The following DSCAM variants were observed in gnomAD, a reference collection of about 807,000 sequenced individuals.
DSCAM encodes DS cell adhesion molecule, also known as cell adhesion molecule DSCAM.
In DSCAM, 47 loss-of-function variants were observed where a neutral mutation model predicts 217.7. That is an observed-to-expected ratio of 0.22 (90% confidence interval 0.17 to 0.28). DSCAM has a LOEUF of 0.28. Among genes scored for constraint, DSCAM ranks in the 10% least tolerant of loss-of-function variants. DSCAM has a pLI of 1.00. For synonymous variants in DSCAM, 1,056 were observed against 1,015.3 expected, an observed-to-expected ratio of 1.04 and a Z score of -0.76; for missense variants, 2,080 against 2,618.3, an observed-to-expected ratio of 0.79 and a Z score of 4.49.
chr21:40,104,320 A>C (rs572818681), intron 20 of DSCAM, among the ~76,000 whole-genome samples: 2 of 152,336 alleles, frequency 1.3e-5, no homozygotes, highest in African/African-American at 4.8e-5. Context: ...AATAAAAATA[A>C]TATATGCAGA....
intron 1 of DSCAM, among the ~76,000 whole-genome samples, chr21:40,823,955 A>G (rs2091948728): frequency 6.6e-6 from 1 of 151,576 alleles, no homozygotes; most frequent in East Asian, 1.9e-4. Context: ...ACAGAGTCTC[A>G]AAAGAAAAAA....
chr21:40,317,151 C>T (rs894858087), intron 8 of DSCAM, among the ~76,000 whole-genome samples: 7 of 152,206 alleles, frequency 4.6e-5, no homozygotes, highest in Admixed American at 1.3e-4. Flanking sequence ...GGCGTGACTC[C>T]GAAATGATGA....
At chr21:40,530,001 A>C (rs2076430605) in intron 3 of DSCAM, among the ~76,000 whole-genome samples, 2 of 152,304 alleles carry the variant, frequency 1.3e-5, no homozygotes, top group African/African-American at 2.4e-5. Context: ...TTTAACTCTA[A>C]GGGTGCTGTT....
intron 3 of DSCAM, among the ~76,000 whole-genome samples, chr21:40,485,409 A>T (rs532917190): frequency 6.6e-6 from 1 of 151,456 alleles, no homozygotes; most frequent in East Asian, 1.9e-4. Flanking sequence ...CGCCCGGCTA[A>T]TTTTTTGTAT....
At chr21:40,190,586 C>T (rs73904726) in intron 11 of DSCAM, among the ~76,000 whole-genome samples, 8,649 of 152,264 alleles carry the variant, frequency 0.057, 781 homozygotes, top group African/African-American at 0.19. Flanking sequence ...AATCTCTCCC[C>T]TGAGAATTTA....
intron 3 of DSCAM, among the ~76,000 whole-genome samples, chr21:40,483,134 C>G (rs971976602): frequency 6.6e-6 from 1 of 152,198 alleles, no homozygotes; most frequent in Non-Finnish European, 1.5e-5. Context: ...AGATTAGAAA[C>G]AGAAGAAATG....
At chr21:40,635,612 G>C (rs768016113) in intron 3 of DSCAM, among the ~76,000 whole-genome samples, 2 of 152,158 alleles carry the variant, frequency 1.3e-5, no homozygotes, top group Non-Finnish European at 2.9e-5. Context: ...TCTGATTCGT[G>C]ACTGTGGATT....
chr21:40,307,941 G>A lies in DSCAM; in HGVS notation c.2062+4140C>T, dbSNP rs1337414872. Among the ~76,000 whole-genome samples the A allele has an allele frequency of 7.6e-5, 10 of 131,988 alleles. No homozygotes were observed. The South Asian group carries it at 2.8e-3, about 36-fold the overall frequency. The allele number at this position is 131,988 out of a possible 152,430, so 86.6% of individuals were successfully genotyped here. A position where few individuals can be genotyped will look rare whatever the true frequency, so the allele number is the denominator to read the frequency against. The stretch of plus-strand genomic sequence containing the variant: ...CACTCTGGGGACTGTTGTGGGATGA[G>A]GGGAGGGGGGAGGGATAGCATTAGG... On this transcript the variant is annotated intron_variant, in intron 9 of 32. Transcript: ENST00000400454.
chr21:40,080,509 G>A (rs2089440286), intron 24 of DSCAM, among the ~76,000 whole-genome samples, 169 bp from the exon 25 acceptor site: 2 of 152,138 alleles, frequency 1.3e-5, no homozygotes, highest in Admixed American at 6.5e-5. Context: ...CCCAGCCTGG[G>A]AGAAGCACCA....
At chr21:40,089,604 G>A (rs1264200891) in intron 21 of DSCAM, among the ~76,000 whole-genome samples, 5 of 152,128 alleles carry the variant, frequency 3.3e-5, no homozygotes, top group Admixed American at 1.3e-4. Flanking sequence ...GCTACCTGTC[G>A]CTAGACTGCT....
chr21:40,101,160 T>C (rs923976793), intron 20 of DSCAM, among the ~76,000 whole-genome samples: 8 of 152,244 alleles, frequency 5.3e-5, no homozygotes, highest in African/African-American at 1.9e-4. Flanking sequence ...GGGACATTTG[T>C]GGACTGGGGT....
intron 3 of DSCAM, among the ~76,000 whole-genome samples, chr21:40,398,244 T>C (rs1180870255): frequency 6.6e-6 from 1 of 152,160 alleles, no homozygotes; most frequent in Non-Finnish European, 1.5e-5. Flanking sequence ...ATGTTAATGG[T>C]TCCTCAGTTA....
intron 3 of DSCAM, among the ~76,000 whole-genome samples, chr21:40,428,788 A>G (rs970998728): frequency 3.9e-5 from 6 of 152,032 alleles, no homozygotes; most frequent in African/African-American, 1.2e-4. Flanking sequence ...CCAGCTGACC[A>G]CTGACATGAT....
intron 11 of DSCAM, among the ~76,000 whole-genome samples, chr21:40,226,386 C>T (rs767325077): frequency 1.3e-5 from 2 of 152,188 alleles, no homozygotes; most frequent in African/African-American, 4.8e-5. Context: ...CCCTTGAACA[C>T]TGAGTTGATA....
intron 3 of DSCAM, among the ~76,000 whole-genome samples, chr21:40,619,916 T>A (rs1389886817): frequency 8.2e-6 from 1 of 121,738 alleles, no homozygotes; most frequent in African/African-American, 3.1e-5. Context: ...CACTATGAAA[T>A]CTAGTAGAAT....
At chr21:40,411,518 T>A (rs1268798454) in intron 3 of DSCAM, among the ~76,000 whole-genome samples, 1 of 152,112 alleles carries the variant, frequency 6.6e-6, no homozygotes, top group East Asian at 1.9e-4. Context: ...CCTAATCATA[T>A]GCTGTGTAAA....
At chr21:40,047,128 C>G (rs1010368883) in intron 30 of DSCAM, among the ~76,000 whole-genome samples, 1 of 152,036 alleles carries the variant, frequency 6.6e-6, no homozygotes, top group African/African-American at 2.4e-5. Context: ...CTGCGCTAGG[C>G]AGGCATCCTA....
chr21:40,455,454 A>T (rs772446966), intron 3 of DSCAM, among the ~76,000 whole-genome samples: 25 of 152,194 alleles, frequency 1.6e-4, no homozygotes, highest in Non-Finnish European at 2.9e-4. Flanking sequence ...ACTGTCCAGA[A>T]GAGGAAGAAT....
intron 3 of DSCAM, among the ~76,000 whole-genome samples, chr21:40,505,421 A>G (rs1342816294): frequency 6.6e-6 from 1 of 152,150 alleles, no homozygotes; most frequent in East Asian, 1.9e-4. Flanking sequence ...AAGTTTAGTG[A>G]AAGTCTTATG....
Sources: allele counts gnomAD v4.1 joint callset (sites outside exome capture counted in the v4.1 genomes callset), GRCh38; gene constraint gnomAD v4.1.1; transcripts MANE v1.5; gene names NCBI Gene and HGNC (gene_info 2026-07-23, HGNC 2026-07-21).